Variants in TNFSF15 observed in about 807,000 individuals in gnomAD.
TNFSF15 encodes the protein TNF superfamily member 15, also known as tumor necrosis factor ligand superfamily member 15.
In TNFSF15, 15 loss-of-function variants were observed where a neutral mutation model predicts 26.4. The observed-to-expected ratio is 0.57, with a 90% CI of 0.38 to 0.87. The LOEUF is 0.87. TNFSF15 is among the 40% of genes least tolerant of loss of function. TNFSF15 has a pLI of 0.00. For missense variants in TNFSF15, 290 were observed against 306.1 expected (o/e 0.95, Z 0.39); for synonymous variants, 116 against 115.0 (o/e 1.01, Z -0.06).
At chr9:114,802,512 A>G (rs1829762033) in intron 1 of TNFSF15, among the ~76,000 whole-genome samples, 1 of 152,254 alleles carries the variant, frequency 6.6e-6, no homozygotes, top group Non-Finnish European at 1.5e-5. Context: ...CAGCCTCCCA[A>G]AGTGCTGGGA....
chr9:114,805,914 T>G lies in TNFSF15; in HGVS notation c.99A>C (p.Ala33=). The G allele has an allele frequency of 3.7e-6, 6 of 1,614,128 alleles. No individual in the cohort carries two copies. The highest frequency in any genetic ancestry group is 4.2e-6 in the Non-Finnish European group (5 of 1,180,036). ...SCRPKARSSS[A]RWALTCCLVL... ...CCAGGCAGCAGGTGAGAGCCCAGCG[T>G]GCGCTGCTGCTCCTGGCCTTGGGCC... The change falls in exon 1 of 4, where the codon GCA becomes GCC. Residue 33 remains alanine, a synonymous_variant. Coordinates refer to ENST00000374045, the MANE Select transcript of TNFSF15 (RefSeq NM_005118.4).
intron 2 of TNFSF15, chr9:114,792,657 A>G: frequency 4.8e-6 from 6 of 1,250,552 alleles, no homozygotes; most frequent in Non-Finnish European, 6.5e-6. Context: ...CTCAGAAGAA[A>G]GAGTCTTGAA....
At position 114,788,460 on chromosome 9, in the gene TNFSF15, C is replaced by T. The variant is rs1829540901; in HGVS notation, c.*1992G>A. The T allele has an allele frequency of 6.5e-6, 1 of 152,918 alleles. No homozygotes were observed. Among genetic ancestry groups the T allele is most frequent in the Non-Finnish European group, 1.5e-5 (1 of 68,050 alleles). The allele number at this position is 152,918 out of a possible 1,614,324, so 9.5% of individuals were successfully genotyped here. ...TTAGAAAATATATTTAGAGCCTTAA[C>T]CTCCAAACTGAGAAATCAGAAATTA... On this transcript the variant is annotated 3_prime_UTR_variant, in exon 4 of 4. Coordinates refer to ENST00000374045, the MANE Select transcript of TNFSF15 (RefSeq NM_005118.4).
intron 1 of TNFSF15, among the ~76,000 whole-genome samples, chr9:114,799,843 T>C (rs1372633415): frequency 6.6e-6 from 1 of 152,206 alleles, no homozygotes; most frequent in Non-Finnish European, 1.5e-5. Context: ...TTGCTTGCCC[T>C]TCCTGCCTCT....
intron 1 of TNFSF15, among the ~76,000 whole-genome samples, chr9:114,794,253 A>G (rs570770530): frequency 6.6e-6 from 1 of 152,324 alleles, no homozygotes; most frequent in Non-Finnish European, 1.5e-5. Flanking sequence ...TAAATTACTC[A>G]TAGGATTGAG....
rs1376948541 is a variant in TNFSF15 at position 114,785,539 on chromosome 9, C to G, written c.*4913G>C. ...GAGATCCTTTGGCTTAATCTCTCCC[C>G]CAACCTCTGTGAAGAATAGCTTCTA... is the stretch of plus-strand genomic sequence containing the variant. On this transcript the variant is annotated 3_prime_UTR_variant, in exon 4 of 4. Transcript: ENST00000374045. 6.6e-6 allele frequency: 1 copy of G among 152,234 alleles called. No individual in the cohort carries two copies. The highest frequency in any genetic ancestry group is 1.5e-5 in the Non-Finnish European group (1 of 68,052). 9.4% of individuals were successfully genotyped at this position (152,234 alleles called of 1,614,324 possible).
chr9:114,793,756 C>T (rs1050937644), intron 1 of TNFSF15, among the ~76,000 whole-genome samples, 188 bp from the exon 2 acceptor site: 4 of 152,150 alleles, frequency 2.6e-5, no homozygotes, highest in African/African-American at 9.7e-5. Context: ...CACTTTCCTC[C>T]CCTGACACTT....
rs754491637 is a variant in TNFSF15, at chr9:114,792,512, G to A, written c.254-58C>T. On this transcript the variant is annotated intron_variant, in intron 2 of 3. Transcript: ENST00000374045. ...GACAAAGGGTGACTGAAATGAAGAC[G>A]GCCCTTTGTGAGTTGCATGGCGCCT... 29 of 1,611,610 alleles carry A rather than the reference G, an allele frequency of 1.8e-5. No homozygotes were observed. The African/African-American group carries it at 2.1e-4, about 12-fold the overall frequency.
At position 114,784,707 on chromosome 9, in the gene TNFSF15, C is replaced by A. The variant is rs1445673941; in HGVS notation, c.*5745G>T. On this transcript the variant is annotated 3_prime_UTR_variant, in exon 4 of 4. Coordinates refer to ENST00000374045, the MANE Select transcript of TNFSF15 (RefSeq NM_005118.4). ...CATCTATTAAATATATTAACACATA[C>A]AACATTTCATTTACAGAGATTAGAA... 6.6e-6 allele frequency: 1 copy of A among 152,172 alleles called. No individual in the cohort carries two copies. Among genetic ancestry groups the A allele is most frequent in the Non-Finnish European group, 1.5e-5 (1 of 68,026 alleles). The allele number at this position is 152,172 out of a possible 1,614,324, so 9.4% of individuals were successfully genotyped here.
rs1829570972 is a variant in TNFSF15, at chr9:114,790,149, T to C, written c.*303A>G. 2 of 242,980 alleles carry C rather than the reference T, an allele frequency of 8.2e-6. No individual in the cohort carries two copies. Among genetic ancestry groups the C allele is most frequent in the Admixed American group, 9.9e-5 (2 of 20,282 alleles). 15.1% of individuals were successfully genotyped at this position (242,980 alleles called of 1,614,324 possible). A position where few individuals can be genotyped will look rare whatever the true frequency, so the allele number is the denominator to read the frequency against. The stretch of plus-strand genomic sequence containing the variant: ...TGTTGAAATATTTCTCTTTCAATCC[T>C]GACCCGAGTAGATCATCCATTCATT... On this transcript the variant is annotated 3_prime_UTR_variant, in exon 4 of 4. Transcript: ENST00000374045.
chr9:114,795,375 T>C (rs527828343), intron 1 of TNFSF15, among the ~76,000 whole-genome samples: 1 of 152,328 alleles, frequency 6.6e-6, no homozygotes, highest in South Asian at 2.1e-4. Flanking sequence ...AGTCAGGTTC[T>C]ATGATTTCCA....
chr9:114,799,641 G>T (rs1225276692), intron 1 of TNFSF15, among the ~76,000 whole-genome samples: 1 of 152,242 alleles, frequency 6.6e-6, no homozygotes, highest in Non-Finnish European at 1.5e-5. Context: ...TCAGCTACAA[G>T]GAGGGGTCAG....
At chr9:114,793,366 T>C (rs1242823420) in intron 2 of TNFSF15, among the ~76,000 whole-genome samples, 160 bp downstream of exon 2, 1 of 152,218 alleles carries the variant, frequency 6.6e-6, no homozygotes, top group Non-Finnish European at 1.5e-5. Flanking sequence ...CCATTTTGCC[T>C]TCTTAGTGCC....
At chr9:114,791,790 T>TGGA (rs1564344534) in intron 3 of TNFSF15, 2 of 167,856 alleles carry the variant, frequency 1.2e-5, no homozygotes, top group Non-Finnish European at 2.9e-5. Context: ...TTGATTTCTA[T>TGGA]ATATCGATGA....
chr9:114,793,483 C>T (rs780055197), intron 2 of TNFSF15, 43 bp downstream of exon 2: 60 of 1,608,382 alleles, frequency 3.7e-5, no homozygotes, highest in Non-Finnish European at 5.1e-5. Flanking sequence ...TAGAAATGTT[C>T]TTATTCCCCA....
At chr9:114,791,084 G>A in intron 3 of TNFSF15, 178 bp from the exon 4 acceptor site, 2 of 659,442 alleles carry the variant, frequency 3.0e-6, no homozygotes, top group South Asian at 2.0e-5. Flanking sequence ...TTTGTTCAAA[G>A]AGAATAACAT....
At chr9:114,803,327 T>G (rs887873609) in intron 1 of TNFSF15, among the ~76,000 whole-genome samples, 2 of 152,200 alleles carry the variant, frequency 1.3e-5, no homozygotes, top group Non-Finnish European at 2.9e-5. Flanking sequence ...ACAATGCTCC[T>G]TCTGCACACG....
Position 114,790,867 on chromosome 9 carries a change from A to C in TNFSF15, c.341T>G (p.Phe114Cys). The C allele has an allele frequency of 6.2e-7, 1 of 1,614,100 alleles. No homozygotes were observed. The highest frequency in any genetic ancestry group is 8.5e-7 in the Non-Finnish European group (1 of 1,180,026). ...TTCATGTTCCCAGTGCAGAGCTGGGAACTGATTTTTAAAGTGCTGTGTGGG... is the reference window on the plus strand; with the variant it reads ...TTCATGTTCCCAGTGCAGAGCTGGGCACTGATTTTTAAAGTGCTGTGTGGG... Reference protein sequence around the residue: ...QTPTQHFKNQFPALHWEHELG... With the variant: ...QTPTQHFKNQCPALHWEHELG... Residue 114 changes from phenylalanine to cysteine, a missense_variant, in exon 4 of 4, where the codon TTC (phenylalanine) becomes TGC (cysteine). By Grantham distance (205) the Phe-to-Cys change is radical. Coordinates refer to ENST00000374045, the MANE Select transcript of TNFSF15 (RefSeq NM_005118.4).
chr9:114,796,433 T>A (rs1489975632), intron 1 of TNFSF15, among the ~76,000 whole-genome samples: 1 of 152,252 alleles, frequency 6.6e-6, no homozygotes, highest in Non-Finnish European at 1.5e-5. Context: ...CGCTATCCAT[T>A]ATTTACTTCT....
Sources: allele counts gnomAD v4.1 joint callset (sites outside exome capture counted in the v4.1 genomes callset), GRCh38; gene constraint gnomAD v4.1.1; transcripts MANE v1.5; gene names NCBI Gene and HGNC (gene_info 2026-07-23, HGNC 2026-07-21).